PPM1D: variants seen among roughly 807,000 people sequenced by gnomAD.
PPM1D encodes protein phosphatase, Mg2+/Mn2+ dependent 1D.
A neutral mutation model predicts 58.3 loss-of-function variants in PPM1D; 52 were observed. The observed-to-expected ratio is 0.89, with a 90% confidence interval of 0.71 to 1.12. The LOEUF is 1.12. PPM1D is among the 50% of genes most tolerant of loss of function. PPM1D has a pLI of 0.00. For synonymous variants in PPM1D, 278 were observed against 285.1 expected, an observed-to-expected ratio of 0.98 and a Z score of 0.25; for missense variants, 564 against 777.2, an observed-to-expected ratio of 0.73 and a Z score of 3.26.
intron 4 of PPM1D, among the ~76,000 whole-genome samples, 170 bp downstream of exon 4, chr17:60,648,252 G>A (rs1460393450): frequency 6.6e-6 from 1 of 152,100 alleles, no homozygotes; most frequent in Non-Finnish European, 1.5e-5. Flanking sequence ...TTAGAGGAAT[G>A]AGACAAGAAA....
intron 4 of PPM1D, among the ~76,000 whole-genome samples, chr17:60,651,840 C>T (rs1387701077): frequency 6.6e-6 from 1 of 151,912 alleles, no homozygotes; most frequent in Non-Finnish European, 1.5e-5. Flanking sequence ...ATAGTAAAAC[C>T]CCTCAAAGTA....
chr17:60,600,410 C>T lies in PPM1D; in HGVS notation c.-5C>T, dbSNP rs961251541. 42 of 1,543,964 alleles carry T rather than the reference C, an allele frequency of 2.7e-5. No homozygotes were observed. Among genetic ancestry groups the T allele is most frequent in the Non-Finnish European group, 3.6e-5 (41 of 1,145,310 alleles). The stretch of plus-strand genomic sequence containing the variant: ...TGGGACCGGCGGGATCCCGGCCAGC[C>T]GGCCATGGCGGGGCTGTACTCGCTG... On this transcript the variant is annotated 5_prime_UTR_variant, in exon 1 of 6. Coordinates refer to ENST00000305921, the MANE Select transcript of PPM1D (RefSeq NM_003620.4).
intron 2 of PPM1D, among the ~76,000 whole-genome samples, chr17:60,626,222 AAG>A (rs1823838126): frequency 6.6e-6 from 1 of 152,048 alleles, no homozygotes; most frequent in Non-Finnish European, 1.5e-5. Flanking sequence ...TGCTTGGCCA[AAG>A]AGGTGTATGT....
intron 3 of PPM1D, among the ~76,000 whole-genome samples, chr17:60,637,049 A>G (rs2031037388): frequency 1.3e-5 from 2 of 150,154 alleles, no homozygotes; most frequent in African/African-American, 2.5e-5. Context: ...GCTCACTGCA[A>G]CCTTCACCTC....
At chr17:60,644,622 T>A (rs1020550660) in intron 3 of PPM1D, among the ~76,000 whole-genome samples, 1 of 152,212 alleles carries the variant, frequency 6.6e-6, no homozygotes, top group Non-Finnish European at 1.5e-5. Context: ...TGAAGTGTTT[T>A]GAGTCTGTAA....
intron 3 of PPM1D, among the ~76,000 whole-genome samples, chr17:60,645,512 GTATATATATGTATA>G (rs2031222606): frequency 7.6e-6 from 1 of 131,140 alleles, no homozygotes; most frequent in East Asian, 2.3e-4. Flanking sequence ...ATATATATGT[GTATATATATGTATA>G]TATATATGTG....
chr17:60,645,634 A>ATG lies in PPM1D; in HGVS notation c.827-2246_827-2245dup, dbSNP rs746534479. On this transcript the variant is annotated intron_variant, in intron 3 of 5. Transcript: ENST00000305921. ...TGTGTATATATATATGTATATGTAT[A>ATG]TGTGTGTGTGTGTATATATATATAT... Among the ~76,000 whole-genome samples the ATG allele has an allele frequency of 2.8e-3, 378 of 135,676 alleles. 1 individual carries two copies. Among genetic ancestry groups the ATG allele is most frequent in the Middle Eastern group, 7.8e-3 (2 of 258 alleles). 89.0% of individuals were successfully genotyped at this position (135,676 alleles called of 152,430 possible).
chr17:60,600,204 G>T lies in PPM1D; in HGVS notation c.-211G>T. Reference sequence around the variant, plus strand: ...GTGGGGGGAAGCGCAGTGCGCAGGCGCAACTGCCTGGCTCTGCTCGCTCCG... The same window carrying T: ...GTGGGGGGAAGCGCAGTGCGCAGGCTCAACTGCCTGGCTCTGCTCGCTCCG... On this transcript the variant is annotated 5_prime_UTR_variant, in exon 1 of 6. Coordinates refer to ENST00000305921, the MANE Select transcript of PPM1D (RefSeq NM_003620.4). 1.1e-6 allele frequency: 1 copy of T among 933,442 alleles called. No individual in the cohort carries two copies. The highest frequency in any genetic ancestry group is 1.8e-5 in the African/African-American group (1 of 56,814). The allele number at this position is 933,442 out of a possible 1,614,324, so 57.8% of individuals were successfully genotyped here.
intron 1 of PPM1D, among the ~76,000 whole-genome samples, chr17:60,621,376 C>T (rs1287314890): frequency 2.0e-5 from 3 of 151,670 alleles, no homozygotes; most frequent in African/African-American, 7.3e-5. Flanking sequence ...ATCCCTACCT[C>T]AGAGTTTTGT....
intron 1 of PPM1D, 113 bp from the exon 2 acceptor site, chr17:60,623,408 C>A: frequency 2.0e-6 from 2 of 1,003,554 alleles, no homozygotes; most frequent in Non-Finnish European, 1.4e-6. Context: ...TAAATTGTTT[C>A]CTGTGCTAAT....
intron 2 of PPM1D, among the ~76,000 whole-genome samples, chr17:60,631,194 C>T (rs1050230912): frequency 6.6e-6 from 1 of 151,838 alleles, no homozygotes; most frequent in African/African-American, 2.4e-5. Flanking sequence ...AAATTACATG[C>T]CTTTGGTCCC....
chr17:60,645,397 G>A (rs1829995241), intron 3 of PPM1D, among the ~76,000 whole-genome samples: 2 of 150,876 alleles, frequency 1.3e-5, no homozygotes, highest in Middle Eastern at 6.9e-3. Context: ...TTTGGAAGTT[G>A]TCAGTAAAAG....
chr17:60,638,784 C>T (rs1427609204), intron 3 of PPM1D, among the ~76,000 whole-genome samples: 2 of 152,144 alleles, frequency 1.3e-5, no homozygotes, highest in African/African-American at 2.4e-5. Context: ...AGCACACACC[C>T]TTATGGTTTA....
chr17:60,663,599 G>T lies in PPM1D; in HGVS notation c.*47G>T, dbSNP rs757644402. 1 of 1,544,294 alleles carries T rather than the reference G, an allele frequency of 6.5e-7. No homozygotes were observed. Among genetic ancestry groups the T allele is most frequent in the South Asian group, 1.2e-5 (1 of 84,164 alleles). ...TTTTCCAAACTTAGGATATAAGAGG[G>T]CTTTTTAAATTTGGTGCCGATGTTG... On this transcript the variant is annotated 3_prime_UTR_variant, in exon 6 of 6. Coordinates refer to ENST00000305921, the MANE Select transcript of PPM1D (RefSeq NM_003620.4).
intron 4 of PPM1D, 121 bp downstream of exon 4, chr17:60,648,203 T>A: frequency 1.0e-6 from 1 of 975,916 alleles, no homozygotes; most frequent in Non-Finnish European, 1.5e-6. Context: ...TGCCTTGATC[T>A]GCTAGTGGGT....
At chr17:60,639,553 T>TC (rs2031094013) in intron 3 of PPM1D, among the ~76,000 whole-genome samples, 1 of 152,136 alleles carries the variant, frequency 6.6e-6, no homozygotes, top group South Asian at 2.1e-4. Context: ...TTCTTCTGCC[T>TC]CCATCTCCCA....
Position 60,663,069 on chromosome 17 carries a change from C to T in PPM1D, c.1335C>T (p.Phe445=), listed in dbSNP as rs772453734. 3 of 1,614,174 alleles carry T rather than the reference C, an allele frequency of 1.9e-6. No homozygotes were observed. In the East Asian group the frequency reaches 6.7e-5, roughly 36 times the overall value. ...CTGCCCTGGTTCGTAGCAATGCCTT[C>T]TCAGAGAATTTTTTAGAGGTTTCAG... ...HIPALVRSNA[F]SENFLEVSAE... The change falls in exon 6 of 6, where the codon TTC becomes TTT. Residue 445 remains phenylalanine (F), a synonymous_variant. Transcript: ENST00000305921.
At chr17:60,642,983 G>A (rs2031165492) in intron 3 of PPM1D, among the ~76,000 whole-genome samples, 1 of 151,440 alleles carries the variant, frequency 6.6e-6, no homozygotes, top group Non-Finnish European at 1.5e-5. Flanking sequence ...CAGGAGAATG[G>A]CGTGAACCCA....
intron 1 of PPM1D, among the ~76,000 whole-genome samples, chr17:60,620,586 G>C (rs1361700617): frequency 6.6e-6 from 1 of 152,116 alleles, no homozygotes; most frequent in African/African-American, 2.4e-5. Flanking sequence ...GAGTGCAGTG[G>C]CGTGATCTCA....
Sources: gnomAD v4.1 joint callset for allele counts (sites outside exome capture counted in the v4.1 genomes callset) on GRCh38, gnomAD v4.1.1 for gene constraint, MANE v1.5 for transcripts, NCBI Gene and HGNC (gene_info 2026-07-23, HGNC 2026-07-21) for gene names.